THNSL2: variants seen among roughly 807,000 people sequenced by gnomAD.
THNSL2 encodes threonine synthase-like 2.
In THNSL2, 34 loss-of-function variants were observed where a neutral mutation model predicts 40.0. The ratio of observed to expected loss-of-function variants is 0.85; its 90% CI spans 0.65 to 1.13. THNSL2 has a LOEUF of 1.13. THNSL2 is among the 50% of genes most tolerant of loss of function. THNSL2 has a pLI of 0.00. For synonymous variants in THNSL2, 241 were observed against 247.5 expected (o/e 0.97, Z 0.25); for missense variants, 537 against 608.8 (o/e 0.88, Z 1.24).
At chr2:88,176,844 C>T (rs2104177808) in intron 4 of THNSL2, 1 of 152,324 alleles carries the variant, frequency 6.6e-6, no homozygotes, top group African/African-American at 2.4e-5. Flanking sequence ...GCTGCATTTT[C>T]CTGCAGTTGT....
intron 2 of THNSL2, among the ~76,000 whole-genome samples, 189 bp downstream of exon 2, chr2:88,173,562 G>T (rs2104131141): frequency 6.6e-6 from 1 of 151,904 alleles, no homozygotes; most frequent in Admixed American, 6.5e-5. Context: ...TGTCTCCAGG[G>T]AGATGAATGT....
intron 8 of THNSL2, 107 bp from the exon 9 acceptor site, chr2:88,185,791 C>G (rs374761438): frequency 1.6e-5 from 24 of 1,538,298 alleles, no homozygotes; most frequent in East Asian, 1.5e-4. Flanking sequence ...CTCCATACCC[C>G]CCCATCCCTA....
chr2:88,183,275 C>G, intron 7 of THNSL2: 2 of 634,502 alleles, frequency 3.2e-6, no homozygotes, highest in Non-Finnish European at 2.5e-6. Flanking sequence ...GTCAAATGAG[C>G]TCAATCCCAA....
chr2:88,180,131 G>A (rs925820716), intron 5 of THNSL2, among the ~76,000 whole-genome samples: 8 of 152,192 alleles, frequency 5.3e-5, no homozygotes, highest in South Asian at 4.1e-4. Flanking sequence ...GCACTGAGTC[G>A]TGCGGCCAGC....
chr2:88,185,272 C>A, intron 7 of THNSL2, 56 bp from the exon 8 acceptor site: 1 of 1,536,348 alleles, frequency 6.5e-7, no homozygotes, highest in South Asian at 1.3e-5. Context: ...GGGGTTTTGT[C>A]ATCTTTCCCT....
Position 88,183,026 on chromosome 2 carries a change from T to A in THNSL2, c.1030T>A (p.Phe344Ile). ...GGTGACAAGAGCCCTCATGGAGCAG[T>A]TTGAAAGGACCCAAAGTGTGAATCT... is the stretch of plus-strand genomic sequence containing the variant. ...SQVTRALMEQ[F>I]ERTQSVNLPK... is the part of the protein sequence containing the mutation. The change falls in exon 7 of 9, where the codon TTT becomes ATT. Residue 344 changes from phenylalanine to isoleucine, a missense_variant. Transcript: ENST00000674334. The A allele has an allele frequency of 4.3e-6, 7 of 1,613,868 alleles. No individual in the cohort carries two copies. Among genetic ancestry groups the A allele is most frequent in the Non-Finnish European group, 5.9e-6 (7 of 1,180,004 alleles).
Position 88,183,172 on chromosome 2 carries a change from C to T in THNSL2, c.1077+99C>T, listed in dbSNP as rs1005729367. The T allele has an allele frequency of 8.0e-6, 12 of 1,499,034 alleles. No homozygotes were observed. In the African/African-American group the frequency reaches 1.7e-4, roughly 21 times the overall value. 92.9% of individuals were successfully genotyped at this position (1,499,034 alleles called of 1,614,324 possible). A position where few individuals can be genotyped will look rare whatever the true frequency, so the allele number is the denominator to read the frequency against. ...GGTCAAGGGAAGAGGACACCTGTTTCTTGAGTACCTGCTATGAGCCCACCA... is the reference window on the plus strand; with the variant it reads ...GGTCAAGGGAAGAGGACACCTGTTTTTTGAGTACCTGCTATGAGCCCACCA... On this transcript the variant is annotated intron_variant, in intron 7 of 8. Coordinates refer to ENST00000674334, the MANE Select transcript of THNSL2 (RefSeq NM_018271.5).
Position 88,173,238 on chromosome 2 carries a change from T to G in THNSL2, c.88T>G (p.Phe30Val). 1 of 1,611,958 alleles carries G rather than the reference T, an allele frequency of 6.2e-7. No individual in the cohort carries two copies. The highest frequency in any genetic ancestry group is 8.5e-7 in the Non-Finnish European group (1 of 1,179,728). The change falls in exon 2 of 9, where the codon TTT becomes GTT. Residue 30 changes from phenylalanine to valine, a missense_variant. Phe to Val is a conservative substitution (Grantham distance 50). Coordinates refer to ENST00000674334, the MANE Select transcript of THNSL2 (RefSeq NM_018271.5). ...TGGCTATGCACCTGACGGGGGCCTC[T>G]TTATGCCTGAAGAGCTCCCACAGTT... ...FSGYAPDGGL[F>V]MPEELPQLDR...
intron 7 of THNSL2, chr2:88,183,400 A>G (rs893713157): frequency 7.2e-5 from 16 of 220,730 alleles, no homozygotes; most frequent in Non-Finnish European, 1.3e-4. Flanking sequence ...ATTTAAGTCA[A>G]ATAATATATG....
chr2:88,179,094 A>C, intron 5 of THNSL2, 81 bp downstream of exon 5: 1 of 1,396,074 alleles, frequency 7.2e-7, no homozygotes, highest in Non-Finnish European at 1.0e-6. Flanking sequence ...TTTGGCTGCA[A>C]CTGTGAGGAG....
chr2:88,185,771 T>C, intron 8 of THNSL2, 127 bp from the exon 9 acceptor site: 1 of 1,543,560 alleles, frequency 6.5e-7, no homozygotes, highest in Non-Finnish European at 8.7e-7. Flanking sequence ...TGTCTGTCTG[T>C]GTCTCTGTCC....
chr2:88,186,260 C>T lies in THNSL2; in HGVS notation c.*137C>T. On this transcript the variant is annotated 3_prime_UTR_variant, in exon 9 of 9. Coordinates refer to ENST00000674334, the MANE Select transcript of THNSL2 (RefSeq NM_018271.5). ...CTCAGCTGGATCTGGAGCCAGCTGG[C>T]TTTGCTCCGTTCCCTGGCTAGTCTG... The T allele has an allele frequency of 1.2e-6, 1 of 862,424 alleles. No individual in the cohort carries two copies. Among genetic ancestry groups the T allele is most frequent in the Non-Finnish European group, 1.8e-6 (1 of 548,216 alleles). The allele number at this position is 862,424 out of a possible 1,614,324, so 53.4% of individuals were successfully genotyped here.
At position 88,186,385 on chromosome 2, in the gene THNSL2, A is replaced by G; in HGVS notation, c.*262A>G. On this transcript the variant is annotated 3_prime_UTR_variant, in exon 9 of 9. Coordinates refer to ENST00000674334, the MANE Select transcript of THNSL2 (RefSeq NM_018271.5). ...GCAGCAGTGTCTGAGCTGTAGTGAA[A>G]GTTTCAGGGCCTGCAAAAGAAGAGG... 1 of 501,374 alleles carries G rather than the reference A, an allele frequency of 2.0e-6. No individual in the cohort carries two copies. The highest frequency in any genetic ancestry group is 3.6e-6 in the Non-Finnish European group (1 of 275,036). 31.1% of individuals were successfully genotyped at this position (501,374 alleles called of 1,614,324 possible).
chr2:88,182,292 A>C (rs886912404), intron 5 of THNSL2, among the ~76,000 whole-genome samples: 1 of 152,140 alleles, frequency 6.6e-6, no homozygotes, highest in African/African-American at 2.4e-5. Flanking sequence ...TGTCTTTTTG[A>C]TTCCAGCCAT....
intron 4 of THNSL2, 67 bp from the exon 5 acceptor site, chr2:88,178,716 G>A: frequency 6.4e-7 from 1 of 1,566,478 alleles, no homozygotes; most frequent in Non-Finnish European, 8.8e-7. Flanking sequence ...CCTGTCGCAG[G>A]TGAGTGCTGA....
At position 88,186,142 on chromosome 2, in the gene THNSL2, T is replaced by G; in HGVS notation, c.*19T>G. The stretch of plus-strand genomic sequence containing the variant: ...CCAGTAGCCTGGCTGGAGGTGGCTT[T>G]CTTTAGGCTTCAGATCCCAGGAAGA... On this transcript the variant is annotated 3_prime_UTR_variant, in exon 9 of 9. Transcript: ENST00000674334. 6.5e-7 allele frequency: 1 copy of G among 1,550,322 alleles called. No homozygotes were observed. The highest frequency in any genetic ancestry group is 8.7e-7 in the Non-Finnish European group (1 of 1,145,704).
chr2:88,175,488 C>A, intron 4 of THNSL2, 87 bp downstream of exon 4: 1 of 1,533,364 alleles, frequency 6.5e-7, no homozygotes, highest in Non-Finnish European at 8.9e-7. Context: ...CAAAATTGCA[C>A]AGTTGGGTAG....
intron 4 of THNSL2, among the ~76,000 whole-genome samples, chr2:88,177,896 A>G (rs1340804944): frequency 1.3e-5 from 2 of 152,228 alleles, no homozygotes; most frequent in African/African-American, 2.4e-5. Flanking sequence ...TGGAATCACC[A>G]TGACTGGCCC....
chr2:88,178,672 A>T, intron 4 of THNSL2, 111 bp from the exon 5 acceptor site: 1 of 1,095,560 alleles, frequency 9.1e-7, no homozygotes, highest in East Asian at 2.4e-5. Context: ...GGCTGCGCGA[A>T]GGTCCCAGGA....
Sources: gnomAD v4.1 joint callset for allele counts (sites outside exome capture counted in the v4.1 genomes callset) on GRCh38, gnomAD v4.1.1 for gene constraint, MANE v1.5 for transcripts, NCBI Gene and HGNC (gene_info 2026-07-23, HGNC 2026-07-21) for gene names.